Variants in PDE3B observed in about 807,000 individuals in gnomAD.
The protein encoded by PDE3B is cGMP-inhibited 3',5'-cyclic phosphodiesterase 3B.
A neutral mutation model predicts 116.8 loss-of-function variants in PDE3B; 66 were observed. The observed-to-expected ratio is 0.56, with a 90% CI of 0.46 to 0.69. The LOEUF (loss-of-function observed/expected upper bound fraction) is 0.69. Among genes scored for constraint, PDE3B ranks in the 30% least tolerant of loss-of-function variants. The pLI is 0.00. For missense variants in PDE3B, 1,384 were observed against 1,368.1 expected (o/e 1.01, Z -0.18); for synonymous variants, 595 against 533.6 (o/e 1.12, Z -1.59).
intron 1 of PDE3B, among the ~76,000 whole-genome samples, chr11:14,718,710 T>A (rs1171237731): frequency 4.0e-5 from 6 of 150,264 alleles, no homozygotes; most frequent in African/African-American, 1.5e-4. Context: ...ATAAAGATGT[T>A]CTTTGAAACC....
At chr11:14,827,139 C>G (rs879569673) in intron 7 of PDE3B, among the ~76,000 whole-genome samples, 2 of 152,112 alleles carry the variant, frequency 1.3e-5, no homozygotes, top group Non-Finnish European at 2.9e-5. Context: ...GTTAAAAACT[C>G]AATAAACTAG....
intron 2 of PDE3B, among the ~76,000 whole-genome samples, chr11:14,779,077 T>G (rs1401486197): frequency 6.6e-6 from 1 of 152,004 alleles, no homozygotes. Context: ...GTGTCAGTGA[T>G]TGAAGATCAG....
At chr11:14,834,920 A>T in intron 10 of PDE3B, 62 bp from the exon 11 acceptor site, 1 of 833,154 alleles carries the variant, frequency 1.2e-6, no homozygotes, top group Non-Finnish European at 1.9e-6. Context: ...TGACTAGGAA[A>T]TTATTGTACT....
intron 2 of PDE3B, among the ~76,000 whole-genome samples, chr11:14,783,650 A>G (rs1454936979): frequency 2.0e-5 from 3 of 152,118 alleles, no homozygotes; most frequent in Non-Finnish European, 4.4e-5. Flanking sequence ...ATTGGGAGAT[A>G]TACCTGATGT....
intron 1 of PDE3B, among the ~76,000 whole-genome samples, chr11:14,738,016 CATT>C (rs1364752046): frequency 7.9e-5 from 12 of 152,084 alleles, no homozygotes; most frequent in African/African-American, 2.9e-4. Context: ...TCCAGTCTAT[CATT>C]GTTGAACATT....
chr11:14,821,859 T>G (rs1017897077), intron 7 of PDE3B, among the ~76,000 whole-genome samples: 2 of 152,086 alleles, frequency 1.3e-5, no homozygotes, highest in African/African-American at 4.8e-5. Context: ...AAATCAGGAT[T>G]TGAACCTAGT....
At chr11:14,726,322 C>T (rs574949445) in intron 1 of PDE3B, among the ~76,000 whole-genome samples, 1 of 152,242 alleles carries the variant, frequency 6.6e-6, no homozygotes, top group African/African-American at 2.4e-5. Flanking sequence ...AATGCAAAGA[C>T]CTTGTCTGTC....
Position 14,671,283 on chromosome 11 carries a change from G to A in PDE3B, c.978+26230G>A, listed in dbSNP as rs182801307. On this transcript the variant is annotated intron_variant, in intron 1 of 15. Coordinates refer to ENST00000282096, the MANE Select transcript of PDE3B (RefSeq NM_000922.4). The stretch of plus-strand genomic sequence containing the variant: ...TGGTGCTTTAGGTATGGTAGGAAGG[G>A]AAAGCCTCTCTGAAGAGGTGACATT... Among the ~76,000 whole-genome samples the A allele has an allele frequency of 1.2e-3, 178 of 152,250 alleles. 1 individual carries two copies. The highest frequency in any genetic ancestry group is 6.8e-3 in the Middle Eastern group (2 of 294).
rs1241281261 is a variant in PDE3B, at chr11:14,648,668, C to G, written c.978+3615C>G. On this transcript the variant is annotated intron_variant, in intron 1 of 15. Transcript: ENST00000282096. ...TAGAGTCACTCTGTTTTAAAAATCTCTTATGGCTTTTCATTGTCCACAGGA... is the reference window on the plus strand; with the variant it reads ...TAGAGTCACTCTGTTTTAAAAATCTGTTATGGCTTTTCATTGTCCACAGGA... Among the ~76,000 whole-genome samples, 5 of 152,224 alleles carry G rather than the reference C, an allele frequency of 3.3e-5. No homozygotes were observed. The South Asian group carries it at 6.2e-4, about 19-fold the overall frequency.
At chr11:14,762,437 A>T (rs746810627) in intron 1 of PDE3B, among the ~76,000 whole-genome samples, 2 of 152,210 alleles carry the variant, frequency 1.3e-5, no homozygotes, top group Admixed American at 6.5e-5. Context: ...ATGCAGGGGA[A>T]TGAATCTTTA....
chr11:14,667,290 G>C (rs1051751309), intron 1 of PDE3B, among the ~76,000 whole-genome samples: 1 of 150,024 alleles, frequency 6.7e-6, no homozygotes, highest in Non-Finnish European at 1.5e-5. Flanking sequence ...GTTGTGGGGT[G>C]GGGGGAGTGG....
chr11:14,711,638 C>G (rs1460704006), intron 1 of PDE3B, among the ~76,000 whole-genome samples: 1 of 152,076 alleles, frequency 6.6e-6, no homozygotes, highest in Non-Finnish European at 1.5e-5. Context: ...CTCATTATTG[C>G]AAGGATAGCA....
intron 2 of PDE3B, among the ~76,000 whole-genome samples, chr11:14,783,383 G>T (rs1858089206): frequency 6.6e-6 from 1 of 152,182 alleles, no homozygotes; most frequent in Non-Finnish European, 1.5e-5. Flanking sequence ...TGATAGACTG[G>T]ATTAAGAAAA....
chr11:14,708,738 T>A (rs1855607301), intron 1 of PDE3B, among the ~76,000 whole-genome samples: 1 of 151,924 alleles, frequency 6.6e-6, no homozygotes, highest in Non-Finnish European at 1.5e-5. Context: ...AAGCATGATG[T>A]AAGCAACTTA....
intron 1 of PDE3B, among the ~76,000 whole-genome samples, chr11:14,680,530 ATTG>A (rs1854671620): frequency 1.3e-5 from 2 of 152,198 alleles, no homozygotes; most frequent in African/African-American, 4.8e-5. Context: ...GCAAGTTTGT[ATTG>A]CTGTCTCATG....
At chr11:14,845,893 G>A (rs185609526) in intron 12 of PDE3B, among the ~76,000 whole-genome samples, 1 of 152,120 alleles carries the variant, frequency 6.6e-6, no homozygotes, top group Non-Finnish European at 1.5e-5. Context: ...GGGGAGAATG[G>A]AACCAAGATG....
intron 1 of PDE3B, among the ~76,000 whole-genome samples, chr11:14,696,425 A>G (rs998638043): frequency 2.0e-5 from 3 of 152,128 alleles, no homozygotes; most frequent in Non-Finnish European, 4.4e-5. Context: ...ATTAGGTGAG[A>G]GTTTCATTTG....
chr11:14,848,747 A>G (rs1847670692), intron 12 of PDE3B, among the ~76,000 whole-genome samples: 1 of 152,224 alleles, frequency 6.6e-6, no homozygotes, highest in Non-Finnish European at 1.5e-5. Context: ...CAATTGCTAC[A>G]AAGAGGATAA....
chr11:14,688,113 T>TTCTCTCTCTCTCTCTCTC (rs35700152), intron 1 of PDE3B, among the ~76,000 whole-genome samples: 78 of 109,786 alleles, frequency 7.1e-4, no homozygotes, highest in East Asian at 1.4e-3. Flanking sequence ...CTCTCTCTCT[T>TTCTCTCTCTCTCTCTCTC]TCTCTCTCTC....
Sources: gnomAD v4.1 joint callset for allele counts (sites outside exome capture counted in the v4.1 genomes callset) on GRCh38, gnomAD v4.1.1 for gene constraint, MANE v1.5 for transcripts, NCBI Gene and HGNC (gene_info 2026-07-23, HGNC 2026-07-21) for gene names.